ANKRD45: variants seen among roughly 807,000 people sequenced by gnomAD.
ANKRD45 encodes ankyrin repeat domain 45, also known as ankyrin repeat domain-containing protein 45.
In ANKRD45, 21 loss-of-function variants were observed where a neutral mutation model predicts 28.1. That is an observed-to-expected ratio of 0.75 (90% CI 0.53 to 1.08). The LOEUF (loss-of-function observed/expected upper bound fraction) is 1.08. Ranked by LOEUF, ANKRD45 falls within the 50% of genes least tolerant of loss-of-function variation. The pLI is 0.00. For missense variants in ANKRD45, 261 were observed against 308.7 expected, an observed-to-expected ratio of 0.85 and a Z score of 1.16; for synonymous variants, 86 against 103.9, an observed-to-expected ratio of 0.83 and a Z score of 1.05.
At chr1:173,627,419 T>C (rs537614382) in intron 3 of ANKRD45, among the ~76,000 whole-genome samples, 8 of 152,272 alleles carry the variant, frequency 5.3e-5, no homozygotes, top group African/African-American at 1.9e-4. Flanking sequence ...ACTTCCCCCA[T>C]ACCCCTGGTA....
At chr1:173,688,605 CCTCT>C in the ANKRD45 span, among the ~76,000 whole-genome samples, 121 of 140,732 alleles carry the variant, frequency 8.6e-4, 2 homozygotes, top group Non-Finnish European at 1.5e-3. Context: ...TCTGCCTCTT[CCTCT>C]CTCTCTCTCT....
intron 5 of ANKRD45, among the ~76,000 whole-genome samples, chr1:173,611,067 G>A (rs981224514): frequency 6.6e-6 from 1 of 152,076 alleles, no homozygotes; most frequent in Non-Finnish European, 1.5e-5. Context: ...ATGATCACAT[G>A]TTAACTTTGC....
chr1:173,663,736 G>A (rs1054190336), intron 1 of ANKRD45, among the ~76,000 whole-genome samples: 2 of 152,118 alleles, frequency 1.3e-5, no homozygotes, highest in Non-Finnish European at 2.9e-5. Context: ...AGACCATGAG[G>A]TGGTTGTTCT....
the ANKRD45 span, among the ~76,000 whole-genome samples, chr1:173,714,429 G>T: frequency 6.6e-6 from 1 of 152,070 alleles, no homozygotes; most frequent in East Asian, 1.9e-4. Context: ...AAGTAGAAAG[G>T]GCAGACTAAC....
At chr1:173,692,713 C>T in the ANKRD45 span, among the ~76,000 whole-genome samples, 2 of 152,166 alleles carry the variant, frequency 1.3e-5, no homozygotes, top group Non-Finnish European at 2.9e-5. Flanking sequence ...ATCATTACCA[C>T]TATATCTGAG....
intron 2 of ANKRD45, among the ~76,000 whole-genome samples, chr1:173,652,712 A>G (rs893549401): frequency 2.0e-5 from 3 of 152,214 alleles, no homozygotes; most frequent in African/African-American, 7.2e-5. Context: ...TTCGGCTGTC[A>G]ATCCATCTGC....
the ANKRD45 span, among the ~76,000 whole-genome samples, chr1:173,703,887 T>C: frequency 6.6e-6 from 1 of 152,256 alleles, no homozygotes; most frequent in East Asian, 1.9e-4. Context: ...ATGCTGACAC[T>C]TTGATCTCAG....
At chr1:173,617,889 GT>G (rs1270203464) in intron 5 of ANKRD45, among the ~76,000 whole-genome samples, 1 of 152,144 alleles carries the variant, frequency 6.6e-6, no homozygotes, top group Non-Finnish European at 1.5e-5. Flanking sequence ...CTGGCAACAG[GT>G]CAATACCCCA....
intron 5 of ANKRD45, 28 bp from the exon 6 acceptor site, chr1:173,610,243 A>G (rs370396677): frequency 7.5e-6 from 12 of 1,599,376 alleles, no homozygotes; most frequent in Middle Eastern, 3.4e-4. Context: ...TTAAAATTAC[A>G]TTTAATTAGT....
chr1:173,619,277 CA>C (rs1267338698), intron 5 of ANKRD45, among the ~76,000 whole-genome samples: 1 of 152,200 alleles, frequency 6.6e-6, no homozygotes, highest in African/African-American at 2.4e-5. Flanking sequence ...GGATCAAATT[CA>C]CACATAACAA....
At chr1:173,666,498 C>T (rs778513657) in intron 1 of ANKRD45, among the ~76,000 whole-genome samples, 1 of 152,132 alleles carries the variant, frequency 6.6e-6, no homozygotes, top group Non-Finnish European at 1.5e-5. Flanking sequence ...AACCTACACA[C>T]ATCTTCCCAT....
intron 2 of ANKRD45, among the ~76,000 whole-genome samples, chr1:173,650,644 A>G (rs1669164250): frequency 6.6e-6 from 1 of 152,204 alleles, no homozygotes; most frequent in African/African-American, 2.4e-5. Context: ...GTCAAATGGT[A>G]TTTCTAGTTC....
chr1:173,635,396 A>C, intron 3 of ANKRD45: 2 of 755,120 alleles, frequency 2.6e-6, no homozygotes, highest in Middle Eastern at 3.5e-4. Context: ...CATTTTAACT[A>C]ATAGCTCCTG....
chr1:173,703,476 G>C, the ANKRD45 span, among the ~76,000 whole-genome samples: 1 of 152,090 alleles, frequency 6.6e-6, no homozygotes, highest in Non-Finnish European at 1.5e-5. Context: ...AAAGTGCTGG[G>C]CTTACAGGTG....
chr1:173,649,526 A>G lies in ANKRD45; in HGVS notation c.329-2513T>C, dbSNP rs567168574. On this transcript the variant is annotated intron_variant, in intron 2 of 5. Coordinates refer to ENST00000333279, the MANE Select transcript of ANKRD45 (RefSeq NM_198493.3). ...AATTGCATGTTCCTATCCTCTGCCT[A>G]TTTTTCTATTGGGTTGAATTCTAAG... Among the ~76,000 whole-genome samples, 9 of 152,040 alleles carry G rather than the reference A, an allele frequency of 5.9e-5. No homozygotes were observed. In the East Asian group the frequency reaches 1.7e-3, roughly 29 times the overall value.
the ANKRD45 span, among the ~76,000 whole-genome samples, chr1:173,702,017 G>A: frequency 1.3e-5 from 2 of 152,082 alleles, no homozygotes; most frequent in Non-Finnish European, 2.9e-5. Context: ...GGGCATGAAG[G>A]CACAAAATAA....
At chr1:173,635,946 A>G in intron 3 of ANKRD45, 1 of 876,832 alleles carries the variant, frequency 1.1e-6, no homozygotes, top group Non-Finnish European at 1.7e-6. Context: ...TTTATTCCTC[A>G]TTGTAACCTT....
upstream of ANKRD45, among the ~76,000 whole-genome samples, chr1:173,674,362 T>TC (rs1558154123): frequency 6.6e-6 from 1 of 151,864 alleles, no homozygotes; most frequent in African/African-American, 2.4e-5. Context: ...TTTTTTTTTT[T>TC]CCACATTCAC....
chr1:173,615,147 C>G (rs949401013), intron 5 of ANKRD45, among the ~76,000 whole-genome samples: 3 of 151,872 alleles, frequency 2.0e-5, no homozygotes, highest in Non-Finnish European at 2.9e-5. Flanking sequence ...AATGCCCCCC[C>G]AGACCGGGCG....
Sources: gnomAD v4.1 joint callset for allele counts (sites outside exome capture counted in the v4.1 genomes callset) on GRCh38, gnomAD v4.1.1 for gene constraint, MANE v1.5 for transcripts, NCBI Gene and HGNC (gene_info 2026-07-23, HGNC 2026-07-21) for gene names.